The following MGAT5B variants were observed in gnomAD, a reference collection of about 807,000 sequenced individuals.
MGAT5B encodes alpha-1,6-mannosylglycoprotein 6-beta-N-acetylglucosaminyltransferase B, also known as N-acetylglucosaminyl-transferase Vb.
Under a neutral mutation model 95.1 loss-of-function variants are expected in MGAT5B, and 54 were observed. The ratio of observed to expected loss-of-function variants is 0.57; its 90% CI spans 0.46 to 0.71. The LOEUF (loss-of-function observed/expected upper bound fraction) is 0.71, where lower values mean the gene tolerates loss of function less well. Among genes scored for constraint, MGAT5B ranks in the 30% least tolerant of loss-of-function variants. MGAT5B has a pLI of 0.00. For synonymous variants in MGAT5B, 464 were observed against 451.0 expected, an observed-to-expected ratio of 1.03 and a Z score of -0.36; for missense variants, 935 against 1,088.6, an observed-to-expected ratio of 0.86 and a Z score of 1.99.
intron 3 of MGAT5B, among the ~76,000 whole-genome samples, chr17:76,884,458 G>T (rs777136702): frequency 2.3e-4 from 35 of 151,852 alleles, no homozygotes; most frequent in African/African-American, 7.8e-4. Flanking sequence ...TGAGATGGAG[G>T]CTTGCTCTGT....
rs4789374 is a variant in MGAT5B at position 76,916,278 on chromosome 17, G to A, written c.1026-8688G>A. Among the ~76,000 whole-genome samples the A allele has an allele frequency of 0.1, 15,400 of 152,202 alleles. 936 individuals are homozygous for A. Among genetic ancestry groups the A allele is most frequent in the East Asian group, 0.27 (1,413 of 5,154 alleles). ...CTCATGCTCCACGCGCTGCGCTGGC[G>A]TCACAGGGAGTCTGTTTCTTGCAAG... On this transcript the variant is annotated intron_variant, in intron 8 of 17. Coordinates refer to ENST00000569840, the MANE Select transcript of MGAT5B (RefSeq NM_001199172.2). The surrounding 1 kb of genome is among the most constrained non-coding windows in gnomAD (Gnocchi z 5.3).
rs1555688485 is a variant in MGAT5B, at chr17:76,869,139, C to T, written c.68+42C>T. 3.2e-6 allele frequency: 5 copies of T among 1,575,776 alleles called. No individual in the cohort carries two copies. In the South Asian group the frequency reaches 3.3e-5, roughly 10 times the overall value. On this transcript the variant is annotated intron_variant, in intron 1 of 17. Transcript: ENST00000569840. This position sits in a 1 kb window ranked among gnomAD's most constrained non-coding sequence, Gnocchi z 7.0. ...GTTGGTTTTTTCCCCAGGGGGGCGC[C>T]GGGTGGAGGTGGGCGAGGTCGGTTC... is the stretch of plus-strand genomic sequence containing the variant.
In MGAT5B at chr17:76,915,172, A is replaced by G. The variant is rs1643531300; in HGVS notation, c.1025+8985A>G. 6.6e-6 allele frequency among the ~76,000 whole-genome samples: 1 copy of G among 152,180 alleles called. No individual in the cohort carries two copies. The highest frequency in any genetic ancestry group is 1.5e-5 in the Non-Finnish European group (1 of 68,032). On this transcript the variant is annotated intron_variant, in intron 8 of 17. Coordinates refer to ENST00000569840, the MANE Select transcript of MGAT5B (RefSeq NM_001199172.2). The surrounding 1 kb of genome is among the most constrained non-coding windows in gnomAD (Gnocchi z 8.7). Reference sequence around the variant, plus strand: ...CACTCATGTTTAAATGTGGCTGCAAAGGAGCCAGAACAGTAGGGAGGTTGT... The same window carrying G: ...CACTCATGTTTAAATGTGGCTGCAAGGGAGCCAGAACAGTAGGGAGGTTGT...
At chr17:76,933,157 G>T in intron 11 of MGAT5B, 135 bp from the exon 12 acceptor site, 1 of 1,063,050 alleles carries the variant, frequency 9.4e-7, no homozygotes, top group Non-Finnish European at 1.4e-6. Flanking sequence ...AGCAGGAGAG[G>T]CTTAGAGATT....
rs1458646109 is a variant in MGAT5B, at chr17:76,912,861, A to C, written c.1025+6674A>C. Among the ~76,000 whole-genome samples, 3 of 152,168 alleles carry C rather than the reference A, an allele frequency of 2.0e-5. No individual in the cohort carries two copies. The highest frequency in any genetic ancestry group is 6.5e-5 in the Admixed American group (1 of 15,272). On this transcript the variant is annotated intron_variant, in intron 8 of 17. Transcript: ENST00000569840. The surrounding 1 kb of genome is among the most constrained non-coding windows in gnomAD (Gnocchi z 5.0). ...GTGCCTGCCCAGCCGCTGCATCCTG[A>C]GACGGCCTCGTGCATGTGCAGGTCC...
intron 3 of MGAT5B, among the ~76,000 whole-genome samples, chr17:76,886,181 G>T (rs753615228): frequency 3.9e-5 from 6 of 152,316 alleles, no homozygotes; most frequent in Admixed American, 6.5e-5. Context: ...GAAATTTGAG[G>T]CTGTCTGGAT....
chr17:76,897,725 C>CTTTCTTTCTT (rs1555589122), intron 3 of MGAT5B, among the ~76,000 whole-genome samples: 1 of 66,174 alleles, frequency 1.5e-5, no homozygotes, highest in Non-Finnish European at 2.6e-5. Context: ...TTCTTTCTTT[C>CTTTCTTTCTT]TTTTTCTTTT....
rs1969009010 is a variant in MGAT5B, at chr17:76,918,241, G to A, written c.1026-6725G>A. 6.6e-6 allele frequency among the ~76,000 whole-genome samples: 1 copy of A among 152,104 alleles called. No individual in the cohort carries two copies. Among genetic ancestry groups the A allele is most frequent in the Non-Finnish European group, 1.5e-5 (1 of 68,014 alleles). The stretch of plus-strand genomic sequence containing the variant: ...CCCACCCCCGCACCCATGCTTTGTG[G>A]TAGCTTCGGCTAAAGAGCACCCAGA... On this transcript the variant is annotated intron_variant, in intron 8 of 17. Transcript: ENST00000569840. This position sits in a 1 kb window ranked among gnomAD's most constrained non-coding sequence, Gnocchi z 5.1.
In MGAT5B at chr17:76,948,932, C is replaced by T. The variant is rs1367726461; in HGVS notation, c.*94C>T. 7.5e-7 allele frequency: 1 copy of T among 1,325,022 alleles called. No homozygotes were observed. The highest frequency in any genetic ancestry group is 1.5e-5 in the African/African-American group (1 of 68,748). 82.1% of individuals were successfully genotyped at this position (1,325,022 alleles called of 1,614,324 possible). On this transcript the variant is annotated 3_prime_UTR_variant, in exon 18 of 18. Coordinates refer to ENST00000569840, the MANE Select transcript of MGAT5B (RefSeq NM_001199172.2). ...GTTCTGAGCCCTGGCTGCTTGTCCTCCTCGCAACCCCCCCAGGCCGGAGCT... is the reference window on the plus strand; with the variant it reads ...GTTCTGAGCCCTGGCTGCTTGTCCTTCTCGCAACCCCCCCAGGCCGGAGCT...
chr17:76,879,374 T>C (rs1047361374), intron 2 of MGAT5B, among the ~76,000 whole-genome samples: 6 of 152,208 alleles, frequency 3.9e-5, no homozygotes, highest in African/African-American at 1.2e-4. Flanking sequence ...CTGACCAGGC[T>C]CTGTGGTCAG....
chr17:76,933,709 T>C (rs929853797), intron 12 of MGAT5B, among the ~76,000 whole-genome samples: 6 of 152,200 alleles, frequency 3.9e-5, no homozygotes, highest in African/African-American at 1.4e-4. Context: ...CTCCCAGCTG[T>C]ACTGGTTAGG....
intron 8 of MGAT5B, among the ~76,000 whole-genome samples, chr17:76,910,799 T>A (rs377518140): frequency 2.6e-5 from 4 of 152,358 alleles, no homozygotes; most frequent in Admixed American, 6.5e-5. Context: ...TGTGCTCCGA[T>A]GCCCTGGCCC....
In MGAT5B at chr17:76,903,288, G is replaced by A. The variant is rs777305949; in HGVS notation, c.446-15G>A. 5.0e-6 allele frequency: 8 copies of A among 1,604,306 alleles called. No homozygotes were observed. The Admixed American group carries it at 1.2e-4, about 24-fold the overall frequency. The stretch of plus-strand genomic sequence containing the variant: ...CTTGGACCAGGGACTTCAGCAAGGT[G>A]ACCTCTCCCTACAGTGTCAGAAGGC... On this transcript the variant is annotated splice_polypyrimidine_tract_variant and intron_variant, in intron 4 of 17. Coordinates refer to ENST00000569840, the MANE Select transcript of MGAT5B (RefSeq NM_001199172.2).
intron 8 of MGAT5B, among the ~76,000 whole-genome samples, chr17:76,908,957 C>T (rs1400987069): frequency 2.6e-5 from 4 of 151,908 alleles, no homozygotes; most frequent in African/African-American, 9.7e-5. Context: ...CAGGCGGGTG[C>T]CACCGTGCCC....
chr17:76,932,562 T>G, intron 10 of MGAT5B, 83 bp from the exon 11 acceptor site: 6 of 1,516,956 alleles, frequency 4.0e-6, no homozygotes, highest in Non-Finnish European at 4.5e-6. Context: ...AAAGAGGACC[T>G]CTTGGGCGGG....
intron 3 of MGAT5B, among the ~76,000 whole-genome samples, chr17:76,890,676 A>G (rs1967830627): frequency 1.3e-5 from 2 of 151,066 alleles, no homozygotes; most frequent in South Asian, 2.1e-4. Flanking sequence ...GCTAATTTTT[A>G]TATTTTTGTA....
chr17:76,946,537 C>A, intron 16 of MGAT5B, 87 bp downstream of exon 16: 2 of 1,188,390 alleles, frequency 1.7e-6, no homozygotes, highest in South Asian at 3.4e-5. Flanking sequence ...CAGGGCCCTG[C>A]ACCCGTGAAA....
intron 12 of MGAT5B, among the ~76,000 whole-genome samples, 184 bp downstream of exon 12, chr17:76,933,481 T>C (rs546249130): frequency 2.0e-5 from 3 of 152,280 alleles, no homozygotes; most frequent in East Asian, 3.9e-4. Context: ...GGAGCCGTCT[T>C]TCCTGGTTCC....
intron 3 of MGAT5B, among the ~76,000 whole-genome samples, chr17:76,898,375 C>CTGGA (rs1968177900): frequency 6.8e-6 from 1 of 146,442 alleles, no homozygotes; most frequent in Non-Finnish European, 1.5e-5. Flanking sequence ...TGTCACCAGG[C>CTGGA]TGGAGTGCAG....
Sources: gnomAD v4.1 joint callset for allele counts (sites outside exome capture counted in the v4.1 genomes callset) on GRCh38, gnomAD v4.1.1 for gene constraint, Gnocchi (gnomAD v3.1) non-coding constraint, MANE v1.5 for transcripts, NCBI Gene and HGNC (gene_info 2026-07-23, HGNC 2026-07-21) for gene names.